Variants in PNLIPRP3 observed in about 807,000 individuals in gnomAD.
PNLIPRP3 encodes pancreatic lipase related protein 3, also known as pancreatic lipase-related protein 3.
Under a neutral mutation model 52.8 loss-of-function variants are expected in PNLIPRP3, and 58 were observed. The observed-to-expected ratio is 1.10, with a 90% CI of 0.89 to 1.37. The LOEUF is 1.37. PNLIPRP3 is among the 40% of genes most tolerant of loss of function. The probability of loss-of-function intolerance (pLI) is 0.00; values close to 1 mark genes in which losing one functional copy is unlikely to be tolerated. For synonymous variants in PNLIPRP3, 192 were observed against 185.0 expected, an observed-to-expected ratio of 1.04 and a Z score of -0.31; for missense variants, 593 against 561.6, an observed-to-expected ratio of 1.06 and a Z score of -0.57.
At position 116,461,091 on chromosome 10, in the gene PNLIPRP3, T is replaced by C; in HGVS notation, c.685+6T>C. The C allele has an allele frequency of 6.2e-7, 1 of 1,614,156 alleles. No homozygotes were observed. Among genetic ancestry groups the C allele is most frequent in the South Asian group, 1.1e-5 (1 of 91,076 alleles). ...TCGCATCCTCTTTGAGCTTGGTAAG[T>C]TTTAACAGAATCAGAAACTTCATTG... On this transcript the variant is annotated splice_donor_region_variant and intron_variant, in intron 6 of 11. Transcript: ENST00000369230.
intron 4 of PNLIPRP3, 84 bp from the exon 5 acceptor site, chr10:116,455,638 C>CTTTTTTT: frequency 2.9e-6 from 2 of 687,502 alleles, no homozygotes; most frequent in Non-Finnish European, 2.3e-6. Context: ...CATGTTGATC[C>CTTTTTTT]TTTTTTTTTT....
rs151002266 is a variant in PNLIPRP3 at position 116,465,681 on chromosome 10, G to T, written c.809-369G>T. On this transcript the variant is annotated intron_variant, in intron 7 of 11. Coordinates refer to ENST00000369230, the MANE Select transcript of PNLIPRP3 (RefSeq NM_001011709.3). The stretch of plus-strand genomic sequence containing the variant: ...CCTGGAACTGGCAGCTTCGTTTTCA[G>T]GCTTCACACTGTTTTTGGCTTAAAG... 5.0e-3 allele frequency among the ~76,000 whole-genome samples: 762 copies of T among 152,288 alleles called. 6 individuals carry two copies. Among genetic ancestry groups the T allele is most frequent in the African/African-American group, 0.018 (738 of 41,576 alleles).
rs776198628 is a variant in PNLIPRP3 at position 116,476,804 on chromosome 10, G to A, written c.1325G>A (p.Gly442Glu). The change falls in exon 11 of 12, where the codon GGG (glycine) becomes GAG (glutamate). Residue 442 changes from glycine to glutamate, a missense_variant. Transcript: ENST00000369230. ...LGAEMVINTS[G>E]KYGYKSTFCS... ...GCAGAAATGGTGATAAATACATCTGGGAAATATGGATATAAGTAAGTATTG... is the reference window on the plus strand; with the variant it reads ...GCAGAAATGGTGATAAATACATCTGAGAAATATGGATATAAGTAAGTATTG... 2.5e-6 allele frequency: 4 copies of A among 1,597,150 alleles called. No homozygotes were observed. Among genetic ancestry groups the A allele is most frequent in the South Asian group, 2.3e-5 (2 of 87,254 alleles).
intron 9 of PNLIPRP3, 115 bp downstream of exon 9, chr10:116,469,432 C>T: frequency 9.4e-7 from 1 of 1,058,488 alleles, no homozygotes; most frequent in South Asian, 1.9e-5. Context: ...ACTGGGATTT[C>T]AGTGAAGAAC....
intron 1 of PNLIPRP3, among the ~76,000 whole-genome samples, chr10:116,435,803 T>G (rs1048714522): frequency 7.2e-5 from 11 of 152,198 alleles, no homozygotes; most frequent in Non-Finnish European, 1.0e-4. Context: ...TTGTGTGAGT[T>G]CCTTAGGTAA....
intron 4 of PNLIPRP3, among the ~76,000 whole-genome samples, chr10:116,453,451 A>T (rs1846068504): frequency 6.6e-6 from 1 of 152,102 alleles, no homozygotes; most frequent in Non-Finnish European, 1.5e-5. Context: ...TGTGAAACGG[A>T]CATGAGGTGT....
intron 10 of PNLIPRP3, among the ~76,000 whole-genome samples, chr10:116,473,061 T>C (rs1846399913): frequency 6.6e-6 from 1 of 152,272 alleles, no homozygotes; most frequent in South Asian, 2.1e-4. Context: ...CAGCTGGTGA[T>C]GAATATGCAG....
chr10:116,461,298 C>G lies in PNLIPRP3; in HGVS notation c.808+8C>G, dbSNP rs58155228. 9.9e-6 allele frequency: 16 copies of G among 1,610,008 alleles called. No individual in the cohort carries two copies. The highest frequency in any genetic ancestry group is 1.2e-5 in the Non-Finnish European group (14 of 1,176,514). On this transcript the variant is annotated splice_region_variant and intron_variant, in intron 7 of 11. Coordinates refer to ENST00000369230, the MANE Select transcript of PNLIPRP3 (RefSeq NM_001011709.3). The stretch of plus-strand genomic sequence containing the variant: ...TCAATGCTTACAAAAAAGGTAAATA[C>G]TTTCTAAACTATGAATGCTACTGAT...
At position 116,459,944 on chromosome 10, in the gene PNLIPRP3, T is replaced by G. The variant is rs183978036; in HGVS notation, c.566-1022T>G. Among the ~76,000 whole-genome samples, 169 of 152,288 alleles carry G rather than the reference T, an allele frequency of 1.1e-3. 1 individual carries two copies. Among genetic ancestry groups the G allele is most frequent in the African/African-American group, 4.0e-3 (166 of 41,560 alleles). On this transcript the variant is annotated intron_variant, in intron 5 of 11. Transcript: ENST00000369230. ...TACCATGCCTGGCTAAATTTTGTAC[T>G]TTTAGTAGAGACGGGGTTTCACCAT...
chr10:116,435,679 C>T (rs1180603321), intron 1 of PNLIPRP3, among the ~76,000 whole-genome samples: 1 of 152,152 alleles, frequency 6.6e-6, no homozygotes, highest in East Asian at 1.9e-4. Context: ...TAGTGATTCA[C>T]GATGTTGAGC....
chr10:116,454,927 A>G (rs1846089650), intron 4 of PNLIPRP3, among the ~76,000 whole-genome samples: 1 of 152,228 alleles, frequency 6.6e-6, no homozygotes, highest in African/African-American at 2.4e-5. Context: ...TAGATCATAT[A>G]GTAATTCTAT....
At chr10:116,466,234 A>G (rs145386547) in intron 8 of PNLIPRP3, 66 bp downstream of exon 8, 2 of 1,208,446 alleles carry the variant, frequency 1.7e-6, no homozygotes, top group African/African-American at 1.5e-5. Flanking sequence ...TCATCCAGCT[A>G]AACATTAGGG....
intron 10 of PNLIPRP3, among the ~76,000 whole-genome samples, chr10:116,473,418 T>C (rs1240301015): frequency 6.6e-6 from 1 of 152,248 alleles, no homozygotes; most frequent in Admixed American, 6.5e-5. Flanking sequence ...GGTATATTTT[T>C]AATCCCATCC....
chr10:116,445,200 GAC>G (rs1845926949), intron 4 of PNLIPRP3, among the ~76,000 whole-genome samples: 1 of 152,192 alleles, frequency 6.6e-6, no homozygotes, highest in Non-Finnish European at 1.5e-5. Flanking sequence ...TTGTAAGTAA[GAC>G]AGTGTTTCTG....
chr10:116,463,921 G>T (rs1179535717), intron 7 of PNLIPRP3, among the ~76,000 whole-genome samples: 4 of 152,010 alleles, frequency 2.6e-5, no homozygotes, highest in African/African-American at 9.7e-5. Flanking sequence ...GATCACTTGA[G>T]ACTTGAGGCC....
At chr10:116,474,070 G>A (rs1378719477) in intron 10 of PNLIPRP3, among the ~76,000 whole-genome samples, 2 of 151,174 alleles carry the variant, frequency 1.3e-5, no homozygotes, top group African/African-American at 2.4e-5. Flanking sequence ...AACCAAAACA[G>A]CATGGTACTG....
intron 2 of PNLIPRP3, among the ~76,000 whole-genome samples, chr10:116,440,243 T>C (rs1235835864): frequency 2.0e-5 from 3 of 152,140 alleles, no homozygotes; most frequent in Non-Finnish European, 4.4e-5. Context: ...TTTATATAAG[T>C]GGCCATGCAC....
At chr10:116,475,560 A>G (rs1020739237) in intron 10 of PNLIPRP3, among the ~76,000 whole-genome samples, 1 of 152,224 alleles carries the variant, frequency 6.6e-6, no homozygotes, top group South Asian at 2.1e-4. Flanking sequence ...ACTTGGAAGA[A>G]CAGTTTCCTC....
rs80102291 is a variant in PNLIPRP3, at chr10:116,436,902, T to A, written c.204+37T>A. The A allele has an allele frequency of 1.0e-3, 1,533 of 1,528,650 alleles. 20 individuals carry two copies. The African/African-American group carries it at 0.019, about 19-fold the overall frequency. 94.7% of individuals were successfully genotyped at this position (1,528,650 alleles called of 1,614,324 possible). Reference sequence around the variant, plus strand: ...TGCAGCCTTCACACATGGATTATTCTAAAATATAAGATTTGCCTATAGATA... The same window carrying A: ...TGCAGCCTTCACACATGGATTATTCAAAAATATAAGATTTGCCTATAGATA... On this transcript the variant is annotated intron_variant, in intron 2 of 11. Transcript: ENST00000369230.
Sources: allele counts gnomAD v4.1 joint callset (sites outside exome capture counted in the v4.1 genomes callset), GRCh38; gene constraint gnomAD v4.1.1; transcripts MANE v1.5; gene names NCBI Gene and HGNC (gene_info 2026-07-23, HGNC 2026-07-21).